The following SLC24A3 variants were observed in gnomAD, a reference collection of about 807,000 sequenced individuals.
The protein encoded by SLC24A3 is solute carrier family 24 member 3.
In SLC24A3, 28 loss-of-function variants were observed where a neutral mutation model predicts 75.8. That is an observed-to-expected ratio of 0.37 (90% CI 0.27 to 0.51). The LOEUF (loss-of-function observed/expected upper bound fraction) is 0.51. Ranked by LOEUF, SLC24A3 falls within the 20% of genes least tolerant of loss-of-function variation. The pLI, the probability that SLC24A3 is intolerant of heterozygous loss-of-function variation, is 0.94. For synonymous variants in SLC24A3, 372 were observed against 334.1 expected (o/e 1.11, Z -1.24); for missense variants, 663 against 847.8 (o/e 0.78, Z 2.71).
chr20:19,518,484 T>C (rs954056572), intron 3 of SLC24A3, among the ~76,000 whole-genome samples: 1 of 152,202 alleles, frequency 6.6e-6, no homozygotes, highest in African/African-American at 2.4e-5. Context: ...GGTGCTGTTC[T>C]TGAAGAGTGC....
At chr20:19,213,255 C>A in intron 1 of SLC24A3, 1 of 232,984 alleles carries the variant, frequency 4.3e-6, no homozygotes. Flanking sequence ...GCTGCTTACT[C>A]GCGAGCTGGA....
chr20:19,361,836 T>C (rs1985796364), intron 2 of SLC24A3, among the ~76,000 whole-genome samples: 1 of 152,250 alleles, frequency 6.6e-6, no homozygotes, highest in Admixed American at 6.5e-5. Context: ...GGTAACATTT[T>C]TTCAACTTTT....
chr20:19,294,174 A>G (rs1345824606), intron 2 of SLC24A3, among the ~76,000 whole-genome samples: 1 of 152,122 alleles, frequency 6.6e-6, no homozygotes, highest in East Asian at 1.9e-4. Flanking sequence ...ATTATTTTTT[A>G]ATGGAAAACT....
At chr20:19,412,642 G>A (rs1986765961) in intron 2 of SLC24A3, among the ~76,000 whole-genome samples, 2 of 151,248 alleles carry the variant, frequency 1.3e-5, no homozygotes, top group South Asian at 4.2e-4. Flanking sequence ...GGGGGGAGGA[G>A]GAGCACCTGA....
chr20:19,288,779 A>C (rs1372547951), intron 2 of SLC24A3, among the ~76,000 whole-genome samples: 1 of 152,218 alleles, frequency 6.6e-6, no homozygotes, highest in Non-Finnish European at 1.5e-5. Flanking sequence ...TTTTCCTCTA[A>C]GCCAGGGCTC....
intron 1 of SLC24A3, among the ~76,000 whole-genome samples, chr20:19,245,090 T>A (rs1982447911): frequency 6.6e-6 from 1 of 152,132 alleles, no homozygotes; most frequent in South Asian, 2.1e-4. Flanking sequence ...TCTCACAAAA[T>A]AAAATGCTAG....
chr20:19,215,723 T>C (rs1981535778), intron 1 of SLC24A3, among the ~76,000 whole-genome samples: 1 of 152,194 alleles, frequency 6.6e-6, no homozygotes, highest in Non-Finnish European at 1.5e-5. Flanking sequence ...TTATATGATG[T>C]TTCATAACAT....
At chr20:19,469,199 T>G (rs1292436322) in intron 2 of SLC24A3, among the ~76,000 whole-genome samples, 1 of 151,862 alleles carries the variant, frequency 6.6e-6, no homozygotes, top group Non-Finnish European at 1.5e-5. Flanking sequence ...GGATGAAGGA[T>G]GTGCATGGGG....
intron 2 of SLC24A3, chr20:19,284,590 T>C (rs969448351): frequency 4.6e-5 from 7 of 152,334 alleles, no homozygotes; most frequent in African/African-American, 1.7e-4. Flanking sequence ...TGGGGTGCAG[T>C]GTGTGTCCTG....
chr20:19,704,703 G>A (rs1463826341), intron 15 of SLC24A3, among the ~76,000 whole-genome samples: 1 of 152,148 alleles, frequency 6.6e-6, no homozygotes, highest in Non-Finnish European at 1.5e-5. Context: ...CCAGCCATGG[G>A]AAGAGAGGGG....
rs1183891115 is a variant in SLC24A3 at position 19,265,579 on chromosome 20, A to C, written c.143-15380A>C. Among the ~76,000 whole-genome samples, 3 of 152,242 alleles carry C rather than the reference A, an allele frequency of 2.0e-5. No homozygotes were observed. The East Asian group carries it at 5.8e-4, about 29-fold the overall frequency. On this transcript the variant is annotated intron_variant, in intron 1 of 16. Transcript: ENST00000328041. ...ATGAGCTTCTCAGGTGCTCTTAGAAAAAAGCCAGCCCAATCTGGCTCAGGC... is the reference window on the plus strand; with the variant it reads ...ATGAGCTTCTCAGGTGCTCTTAGAACAAAGCCAGCCCAATCTGGCTCAGGC...
At chr20:19,628,949 T>A (rs892880429) in intron 6 of SLC24A3, among the ~76,000 whole-genome samples, 15 of 142,508 alleles carry the variant, frequency 1.1e-4, no homozygotes, top group African/African-American at 3.7e-4. Context: ...CAACAAAATA[T>A]CGTAAGACAT....
At chr20:19,612,575 GA>G (rs1405111421) in intron 6 of SLC24A3, among the ~76,000 whole-genome samples, 5 of 149,896 alleles carry the variant, frequency 3.3e-5, no homozygotes, top group South Asian at 2.1e-4. Flanking sequence ...AAAGTAAAAG[GA>G]AAAAAATAAA....
chr20:19,598,721 C>A (rs1023604392), intron 6 of SLC24A3, among the ~76,000 whole-genome samples: 6 of 152,074 alleles, frequency 3.9e-5, no homozygotes, highest in Non-Finnish European at 8.8e-5. Context: ...CAACATTAAA[C>A]CCCTGCCCTT....
chr20:19,544,966 G>A (rs1005898834), intron 3 of SLC24A3, among the ~76,000 whole-genome samples: 6 of 152,170 alleles, frequency 3.9e-5, no homozygotes, highest in Non-Finnish European at 5.9e-5. Context: ...AAGGAAATGC[G>A]GCCTCCTCCT....
chr20:19,274,062 G>T (rs1983410371), intron 1 of SLC24A3, among the ~76,000 whole-genome samples: 1 of 151,190 alleles, frequency 6.6e-6, no homozygotes, highest in Non-Finnish European at 1.5e-5. Context: ...CTGGGTTAAA[G>T]GGAGGCCTGT....
Position 19,304,555 on chromosome 20 carries a change from T to C in SLC24A3, c.271+23468T>C, listed in dbSNP as rs979672390. ...CCTCTCCCTAAGCCCTGGCTCCACC[T>C]CCTTGTACATTGGGTTGTTGTAAGG... is the stretch of plus-strand genomic sequence containing the variant. On this transcript the variant is annotated intron_variant, in intron 2 of 16. Transcript: ENST00000328041. Among the ~76,000 whole-genome samples, 73 of 152,204 alleles carry C rather than the reference T, an allele frequency of 4.8e-4. 2 individuals are homozygous for C. Among genetic ancestry groups the C allele is most frequent in the Non-Finnish European group, 3.2e-4 (22 of 68,030 alleles).
At chr20:19,444,513 C>A (rs1299394556) in intron 2 of SLC24A3, among the ~76,000 whole-genome samples, 1 of 152,082 alleles carries the variant, frequency 6.6e-6, no homozygotes, top group Non-Finnish European at 1.5e-5. Context: ...ATGATGTAGG[C>A]TTATTCAGGT....
At chr20:19,649,979 T>C (rs1366489763) in intron 6 of SLC24A3, among the ~76,000 whole-genome samples, 2 of 152,162 alleles carry the variant, frequency 1.3e-5, no homozygotes, top group Non-Finnish European at 2.9e-5. Flanking sequence ...CAGATAAATA[T>C]TGCTTTTGTG....
Sources: gnomAD v4.1 joint callset for allele counts (sites outside exome capture counted in the v4.1 genomes callset) on GRCh38, gnomAD v4.1.1 for gene constraint, MANE v1.5 for transcripts, NCBI Gene and HGNC (gene_info 2026-07-23, HGNC 2026-07-21) for gene names.